Variants in MCTP1 observed in about 807,000 individuals in gnomAD.
MCTP1 encodes the protein multiple C2 and transmembrane domain containing 1, also known as multiple C2 and transmembrane domain-containing protein 1.
A neutral mutation model predicts 120.6 loss-of-function variants in MCTP1; 69 were observed. That is an observed-to-expected ratio of 0.57 (90% CI 0.47 to 0.70). The LOEUF (loss-of-function observed/expected upper bound fraction) is 0.70, where lower values mean the gene tolerates loss of function less well. MCTP1 is among the 30% of genes least tolerant of loss of function. The probability of loss-of-function intolerance (pLI) is 0.00; values close to 1 mark genes in which losing one functional copy is unlikely to be tolerated. For synonymous variants in MCTP1, 529 were observed against 493.1 expected, an observed-to-expected ratio of 1.07 and a Z score of -0.96; for missense variants, 1,203 against 1,248.8, an observed-to-expected ratio of 0.96 and a Z score of 0.55.
intron 1 of MCTP1, among the ~76,000 whole-genome samples, chr5:95,257,721 G>C (rs1562282911): frequency 6.6e-6 from 1 of 151,538 alleles, no homozygotes. Context: ...TCTAAGACTA[G>C]AGCAGGAAAT....
intron 19 of MCTP1, among the ~76,000 whole-genome samples, chr5:94,745,323 G>A (rs1433730803): frequency 6.6e-6 from 1 of 152,226 alleles, no homozygotes; most frequent in Non-Finnish European, 1.5e-5. Context: ...GGTGCAAGAT[G>A]TGAGGAGGGA....
chr5:94,928,498 A>G (rs1813735594), intron 6 of MCTP1, among the ~76,000 whole-genome samples: 1 of 152,166 alleles, frequency 6.6e-6, no homozygotes, highest in South Asian at 2.1e-4. Flanking sequence ...TTTGTCACAT[A>G]AGTGTAACTC....
intron 1 of MCTP1, among the ~76,000 whole-genome samples, chr5:95,261,645 A>G (rs1235560767): frequency 6.6e-6 from 1 of 152,242 alleles, no homozygotes; most frequent in Non-Finnish European, 1.5e-5. Context: ...ATCTGTCACC[A>G]AGCCCTTCAA....
chr5:95,112,386 T>C (rs568755021), intron 1 of MCTP1, among the ~76,000 whole-genome samples: 1 of 152,310 alleles, frequency 6.6e-6, no homozygotes, highest in Admixed American at 6.5e-5. Flanking sequence ...CATCATGCAG[T>C]GACATTTGAA....
chr5:95,124,766 G>A (rs147481477), intron 1 of MCTP1, among the ~76,000 whole-genome samples: 43 of 152,248 alleles, frequency 2.8e-4, no homozygotes, highest in African/African-American at 8.7e-4. Flanking sequence ...TGGCTAAACC[G>A]CTTAGTCCAA....
chr5:95,114,155 G>A (rs1757651293), intron 1 of MCTP1, among the ~76,000 whole-genome samples: 1 of 152,146 alleles, frequency 6.6e-6, no homozygotes, highest in African/African-American at 2.4e-5. Context: ...AGTACACCAT[G>A]GGCCTTGAGT....
At chr5:94,798,808 G>A (rs1475831094) in intron 18 of MCTP1, among the ~76,000 whole-genome samples, 2 of 152,084 alleles carry the variant, frequency 1.3e-5, no homozygotes, top group African/African-American at 4.8e-5. Flanking sequence ...GTTTCTACCA[G>A]GAGGAGTAAT....
chr5:94,978,144 A>G (rs891297046), intron 2 of MCTP1, among the ~76,000 whole-genome samples: 1 of 152,114 alleles, frequency 6.6e-6, no homozygotes, highest in Non-Finnish European at 1.5e-5. Context: ...ACATCAGGGG[A>G]ATGAAAATCA....
At chr5:95,254,886 T>G (rs1056234601) in intron 1 of MCTP1, among the ~76,000 whole-genome samples, 10 of 152,196 alleles carry the variant, frequency 6.6e-5, no homozygotes, top group Admixed American at 1.3e-4. Flanking sequence ...TCTATTGATA[T>G]CACTCTTTTC....
chr5:95,118,101 G>T (rs895356648), intron 1 of MCTP1, among the ~76,000 whole-genome samples: 4 of 152,142 alleles, frequency 2.6e-5, no homozygotes, highest in African/African-American at 9.7e-5. Context: ...TGCAATGATA[G>T]ATGCACCAAA....
intron 1 of MCTP1, among the ~76,000 whole-genome samples, chr5:95,211,183 G>A (rs565674359): frequency 1.3e-3 from 205 of 152,130 alleles, no homozygotes; most frequent in African/African-American, 4.7e-3. Context: ...GAGTATCTTT[G>A]TGGCACTCTC....
intron 1 of MCTP1, among the ~76,000 whole-genome samples, chr5:95,226,855 A>C (rs899327381): frequency 2.6e-5 from 4 of 152,184 alleles, no homozygotes; most frequent in Non-Finnish European, 5.9e-5. Flanking sequence ...TTTCCACATG[A>C]GGTCAAGAAA....
At chr5:94,895,725 A>G (rs970008169) in intron 10 of MCTP1, among the ~76,000 whole-genome samples, 2 of 152,100 alleles carry the variant, frequency 1.3e-5, no homozygotes, top group Non-Finnish European at 2.9e-5. Context: ...TTTAAACTAA[A>G]CTCCTATGGA....
chr5:94,946,917 C>T (rs1819075886), intron 3 of MCTP1, among the ~76,000 whole-genome samples: 1 of 152,186 alleles, frequency 6.6e-6, no homozygotes, highest in Non-Finnish European at 1.5e-5. Context: ...ATATTGTTTT[C>T]TTCTTGCCTC....
At chr5:95,093,676 A>C (rs1296696034) in intron 1 of MCTP1, among the ~76,000 whole-genome samples, 2 of 152,200 alleles carry the variant, frequency 1.3e-5, no homozygotes, top group African/African-American at 4.8e-5. Context: ...GCATTTTTCC[A>C]AAGAAAGGGA....
At chr5:94,716,992 C>T (rs1435039833) in intron 19 of MCTP1, among the ~76,000 whole-genome samples, 2 of 152,094 alleles carry the variant, frequency 1.3e-5, no homozygotes, top group East Asian at 3.9e-4. Context: ...GTGCCATGCA[C>T]AAAGGAAATA....
intron 17 of MCTP1, among the ~76,000 whole-genome samples, chr5:94,854,013 G>C (rs370932564): frequency 6.6e-6 from 1 of 151,752 alleles, no homozygotes; most frequent in African/African-American, 2.4e-5. Flanking sequence ...ATCAGAATAA[G>C]GACATGCCCA....
Position 94,704,459 on chromosome 5 carries a change from T to G in MCTP1, c.*3037A>C, listed in dbSNP as rs917029026. On this transcript the variant is annotated 3_prime_UTR_variant, in exon 23 of 23. Coordinates refer to ENST00000515393, the MANE Select transcript of MCTP1 (RefSeq NM_024717.7). Reference sequence around the variant, plus strand: ...TGCCTTTGAATAACATTAATACAAATGTAGACTACTTTGAGCATAGGAGAC... The same window carrying G: ...TGCCTTTGAATAACATTAATACAAAGGTAGACTACTTTGAGCATAGGAGAC... 1.3e-5 allele frequency: 2 copies of G among 151,452 alleles called. No homozygotes were observed. Among genetic ancestry groups the G allele is most frequent in the Non-Finnish European group, 3.0e-5 (2 of 67,618 alleles). The allele number at this position is 151,452 out of a possible 1,614,324, so 9.4% of individuals were successfully genotyped here.
chr5:95,091,544 T>C (rs1755844708), intron 1 of MCTP1, among the ~76,000 whole-genome samples: 1 of 152,110 alleles, frequency 6.6e-6, no homozygotes, highest in South Asian at 2.1e-4. Flanking sequence ...GAACAGTCTC[T>C]CTTAAAGCCT....
Sources: gnomAD v4.1 joint callset for allele counts (sites outside exome capture counted in the v4.1 genomes callset) on GRCh38, gnomAD v4.1.1 for gene constraint, MANE v1.5 for transcripts, NCBI Gene and HGNC (gene_info 2026-07-23, HGNC 2026-07-21) for gene names.